The following SH3BGRL variants were observed in gnomAD, a reference collection of about 807,000 sequenced individuals.
SH3BGRL encodes the protein adapter SH3BGRL.
SH3BGRL carries 7 observed loss-of-function variants against 9.8 expected under a neutral mutation model. The observed-to-expected ratio is 0.72, with a 90% confidence interval of 0.41 to 1.35. The LOEUF (loss-of-function observed/expected upper bound fraction) is 1.35, where lower values mean the gene tolerates loss of function less well. Among genes scored for constraint, SH3BGRL ranks in the 40% most tolerant of loss-of-function variants. The probability of loss-of-function intolerance (pLI) is 0.01; values close to 1 mark genes in which losing one functional copy is unlikely to be tolerated. For synonymous variants in SH3BGRL, 36 were observed against 29.1 expected (o/e 1.24, Z -0.76); for missense variants, 73 against 84.4 (o/e 0.86, Z 0.53).
intron 1 of SH3BGRL, among the ~76,000 whole-genome samples, chrX:81,266,057 C>T (rs1201997753): frequency 1.8e-5 from 2 of 111,352 alleles, no homozygotes; most frequent in African/African-American, 6.5e-5. Flanking sequence ...TTGCTTTTTT[C>T]TTGTAAATTT....
chrX:81,216,550 A>G (rs1402786615), intron 1 of SH3BGRL, among the ~76,000 whole-genome samples: 2 of 110,943 alleles, frequency 1.8e-5, no homozygotes, highest in South Asian at 3.8e-4. Flanking sequence ...GACTCTATCT[A>G]TATTTTTGTA....
At chrX:81,242,866 A>G (rs2075675306) in intron 1 of SH3BGRL, among the ~76,000 whole-genome samples, 1 of 112,114 alleles carries the variant, frequency 8.9e-6, no homozygotes. Flanking sequence ...AAAATGGCTT[A>G]TCTAGAAAGA....
At chrX:81,209,005 T>C (rs999041542) in intron 1 of SH3BGRL, among the ~76,000 whole-genome samples, 2 of 93,003 alleles carry the variant, frequency 2.2e-5, no homozygotes, top group African/African-American at 7.8e-5. Context: ...TAACTAAGTT[T>C]TTTTTTTTTT....
At chrX:81,243,953 T>C (rs375525106) in intron 1 of SH3BGRL, among the ~76,000 whole-genome samples, 1 of 111,624 alleles carries the variant, frequency 9.0e-6, no homozygotes, top group East Asian at 2.8e-4. Flanking sequence ...TTATTGTTAA[T>C]ACACCACACT....
chrX:81,278,484 C>A, intron 3 of SH3BGRL, 73 bp downstream of exon 3: 1 of 684,056 alleles, frequency 1.5e-6, no homozygotes, highest in Non-Finnish European at 2.2e-6. Context: ...GTAAGATTTT[C>A]ATTTTTGTTA....
chrX:81,270,289 G>A (rs181778986), intron 1 of SH3BGRL, among the ~76,000 whole-genome samples: 8 of 111,277 alleles, frequency 7.2e-5, no homozygotes, highest in Admixed American at 6.7e-4. Flanking sequence ...TTCCTTTGTA[G>A]AAGAGGCGTT....
chrX:81,242,610 A>G (rs1008031314), intron 1 of SH3BGRL, among the ~76,000 whole-genome samples: 6 of 111,878 alleles, frequency 5.4e-5, no homozygotes, highest in Admixed American at 1.9e-4. Context: ...ACAGCAAGGG[A>G]ACAATCAACA....
Position 81,246,986 on chromosome X carries a change from T to C in SH3BGRL, c.46-29998T>C, listed in dbSNP as rs758403259. On this transcript the variant is annotated intron_variant, in intron 1 of 3. Transcript: ENST00000373212. The stretch of plus-strand genomic sequence containing the variant: ...TGTTTGTGTTGTCTTTGATTTCTTT[T>C]GGAACTGTTTTGTAGTTTTTGTTAT... Among the ~76,000 whole-genome samples, 48 of 112,190 alleles carry C rather than the reference T, an allele frequency of 4.3e-4. 1 individual carries two copies. Among genetic ancestry groups the C allele is most frequent in the Non-Finnish European group, 8.1e-4 (43 of 53,171 alleles).
intron 1 of SH3BGRL, among the ~76,000 whole-genome samples, chrX:81,219,486 ATAAT>A (rs1190427433): frequency 9.0e-6 from 1 of 111,421 alleles, no homozygotes; most frequent in East Asian, 2.8e-4. Context: ...GCAACTGTAC[ATAAT>A]TTATTTATTA....
Position 81,249,883 on chromosome X carries a change from T to C in SH3BGRL, c.46-27101T>C, listed in dbSNP as rs192788004. On this transcript the variant is annotated intron_variant, in intron 1 of 3. Transcript: ENST00000373212. ...TAGTACAAAGGAATTTTGGGGGGAG[T>C]AATTAAACTGTTCTGTATGGTAGTT... Among the ~76,000 whole-genome samples, 148 of 110,879 alleles carry C rather than the reference T, an allele frequency of 1.3e-3. 2 individuals carry two copies. Among genetic ancestry groups the C allele is most frequent in the Admixed American group, 1.7e-3 (18 of 10,393 alleles).
intron 1 of SH3BGRL, among the ~76,000 whole-genome samples, chrX:81,209,001 A>C (rs903377503): frequency 6.3e-5 from 5 of 79,910 alleles, no homozygotes; most frequent in African/African-American, 2.4e-4. Context: ...AGCATAACTA[A>C]GTTTTTTTTT....
At chrX:81,279,090 G>C (rs2075807708) in intron 3 of SH3BGRL, among the ~76,000 whole-genome samples, 1 of 111,622 alleles carries the variant, frequency 9.0e-6, no homozygotes, top group Admixed American at 9.5e-5. Flanking sequence ...TTTATGTTTT[G>C]CTCTTAGCAA....
intron 1 of SH3BGRL, among the ~76,000 whole-genome samples, chrX:81,214,927 A>T (rs2075576781): frequency 9.0e-6 from 1 of 111,387 alleles, no homozygotes; most frequent in Non-Finnish European, 1.9e-5. Context: ...AGTATAACTG[A>T]TCTAATACTT....
intron 1 of SH3BGRL, among the ~76,000 whole-genome samples, chrX:81,240,390 T>G (rs1159876230): frequency 1.8e-5 from 2 of 112,167 alleles, no homozygotes; most frequent in Non-Finnish European, 3.8e-5. Context: ...TATTTGCAAG[T>G]ATGTGGCATG....
At chrX:81,228,371 T>A (rs1182303546) in intron 1 of SH3BGRL, among the ~76,000 whole-genome samples, 1 of 111,949 alleles carries the variant, frequency 8.9e-6, no homozygotes, top group African/African-American at 3.3e-5. Flanking sequence ...TTCAAAGATT[T>A]TCTGATTGGC....
intron 3 of SH3BGRL, among the ~76,000 whole-genome samples, chrX:81,294,323 C>G (rs1378125376): frequency 2.7e-5 from 3 of 110,052 alleles, no homozygotes; most frequent in Non-Finnish European, 5.7e-5. Flanking sequence ...GACCCAGTGT[C>G]TGCATACTGT....
chrX:81,276,236 G>T (rs1311346930), intron 1 of SH3BGRL, among the ~76,000 whole-genome samples: 1 of 109,593 alleles, frequency 9.1e-6, no homozygotes, highest in East Asian at 2.9e-4. Context: ...GCTATGATAA[G>T]GAGACAGAAT....
intron 1 of SH3BGRL, among the ~76,000 whole-genome samples, chrX:81,223,731 C>T (rs749407922): frequency 4.5e-5 from 5 of 111,126 alleles, no homozygotes; most frequent in East Asian, 2.8e-4. Flanking sequence ...GATAGGGTCA[C>T]GCTCTGTGTT....
intron 1 of SH3BGRL, among the ~76,000 whole-genome samples, chrX:81,251,254 C>G (rs2075709537): frequency 8.9e-6 from 1 of 111,760 alleles, no homozygotes; most frequent in Non-Finnish European, 1.9e-5. Flanking sequence ...ATTAGAATAA[C>G]TGCTTAAAAT....
Sources: gnomAD v4.1 joint callset for allele counts (sites outside exome capture counted in the v4.1 genomes callset) on GRCh38, gnomAD v4.1.1 for gene constraint, MANE v1.5 for transcripts, NCBI Gene and HGNC (gene_info 2026-07-23, HGNC 2026-07-21) for gene names.